Variants in CTNNA3 observed in about 807,000 individuals in gnomAD.
CTNNA3 encodes the protein catenin alpha 3, also known as catenin alpha-3.
In CTNNA3, 76 loss-of-function variants were observed where a neutral mutation model predicts 95.7. The observed-to-expected ratio is 0.79, with a 90% confidence interval of 0.66 to 0.96. The LOEUF (loss-of-function observed/expected upper bound fraction) is 0.96. CTNNA3 is among the 40% of genes least tolerant of loss of function. The probability of loss-of-function intolerance (pLI) is 0.00; values close to 1 mark genes in which losing one functional copy is unlikely to be tolerated. For synonymous variants in CTNNA3, 431 were observed against 374.4 expected (o/e 1.15, Z -1.74); for missense variants, 1,191 against 1,089.8 (o/e 1.09, Z -1.31).
At chr10:67,123,693 T>C (rs1392545482) in intron 7 of CTNNA3, among the ~76,000 whole-genome samples, 1 of 152,180 alleles carries the variant, frequency 6.6e-6, no homozygotes, top group Admixed American at 6.6e-5. Context: ...AATGGTGTAC[T>C]TACTGAGAAA....
chr10:67,683,711 G>A lies in CTNNA3; in HGVS notation c.-6+12289C>T, dbSNP rs181651739. On this transcript the variant is annotated intron_variant, in intron 1 of 17. Coordinates refer to ENST00000433211, the MANE Select transcript of CTNNA3 (RefSeq NM_013266.4). ...TTCAAGAACGAAGCCACAGACACTC[G>A]TGGTGAGTGTTACCACTCTTAAAGA... Among the ~76,000 whole-genome samples the A allele has an allele frequency of 2.3e-3, 343 of 152,262 alleles. 2 individuals carry two copies. The highest frequency in any genetic ancestry group is 7.7e-3 in the African/African-American group (321 of 41,544).
At chr10:67,225,350 G>C (rs1237188156) in intron 5 of CTNNA3, among the ~76,000 whole-genome samples, 1 of 152,122 alleles carries the variant, frequency 6.6e-6, no homozygotes, top group African/African-American at 2.4e-5. Flanking sequence ...CACGCTGCCA[G>C]TTCCTCTCCA....
chr10:66,224,665 G>T (rs12774932), intron 13 of CTNNA3, among the ~76,000 whole-genome samples: 1 of 152,022 alleles, frequency 6.6e-6, no homozygotes, highest in Non-Finnish European at 1.5e-5. Context: ...TAACTAATAG[G>T]CTTCCTTAAG....
At chr10:67,617,041 T>C (rs1301419248) in intron 2 of CTNNA3, among the ~76,000 whole-genome samples, 1 of 152,218 alleles carries the variant, frequency 6.6e-6, no homozygotes, top group Admixed American at 6.5e-5. Context: ...GATATGTAGA[T>C]TTTGTCATTT....
intron 5 of CTNNA3, among the ~76,000 whole-genome samples, chr10:67,453,165 T>C (rs1034646582): frequency 2.0e-5 from 3 of 152,146 alleles, no homozygotes; most frequent in Admixed American, 2.0e-4. Context: ...TGCAGCCAGT[T>C]ACCAAGTGGA....
At chr10:66,843,975 T>G (rs1414337583) in intron 7 of CTNNA3, among the ~76,000 whole-genome samples, 1 of 152,242 alleles carries the variant, frequency 6.6e-6, no homozygotes, top group African/African-American at 2.4e-5. Flanking sequence ...GGGCATTTAT[T>G]GGAGAACAAT....
chr10:67,425,427 T>A (rs1293368127), intron 5 of CTNNA3, among the ~76,000 whole-genome samples: 1 of 151,904 alleles, frequency 6.6e-6, no homozygotes, highest in Non-Finnish European at 1.5e-5. Context: ...AGATGGGTGA[T>A]CAGGCAGAAA....
chr10:66,903,803 T>G (rs546846172), intron 7 of CTNNA3, among the ~76,000 whole-genome samples: 1 of 152,196 alleles, frequency 6.6e-6, no homozygotes, highest in Non-Finnish European at 1.5e-5. Context: ...ATAAAATACC[T>G]AGGAATCCAA....
chr10:67,192,887 A>AGTG lies in CTNNA3; in HGVS notation c.844-12368_844-12367insCAC, dbSNP rs1863183009. On this transcript the variant is annotated intron_variant, in intron 6 of 17. Coordinates refer to ENST00000433211, the MANE Select transcript of CTNNA3 (RefSeq NM_013266.4). Reference sequence around the variant, plus strand: ...TGAATGAATAAAGAAATGGTCATATATATGTATATATACAACCACTTACAA... The same window carrying AGTG: ...TGAATGAATAAAGAAATGGTCATATAGTGTATGTATATATACAACCACTTACAA... 2.1e-4 allele frequency among the ~76,000 whole-genome samples: 32 copies of AGTG among 152,148 alleles called. 1 individual carries two copies. In the South Asian group the frequency reaches 6.2e-3, roughly 30 times the overall value.
intron 15 of CTNNA3, among the ~76,000 whole-genome samples, chr10:66,055,065 T>C (rs1025597843): frequency 2.0e-5 from 3 of 152,204 alleles, no homozygotes; most frequent in African/African-American, 7.2e-5. Flanking sequence ...TTCTCTATTC[T>C]TTTCCATTGG....
chr10:66,114,269 C>T (rs2082231343), intron 13 of CTNNA3, among the ~76,000 whole-genome samples: 1 of 151,842 alleles, frequency 6.6e-6, no homozygotes, highest in Non-Finnish European at 1.5e-5. Context: ...TCCAAAAATG[C>T]TATTCTATAG....
intron 2 of CTNNA3, among the ~76,000 whole-genome samples, chr10:67,638,413 GA>G (rs1839402567): frequency 6.6e-6 from 1 of 152,098 alleles, no homozygotes; most frequent in Non-Finnish European, 1.5e-5. Flanking sequence ...AATAATGGGA[GA>G]CTTTAACACC....
intron 5 of CTNNA3, among the ~76,000 whole-genome samples, chr10:67,261,905 A>G (rs1564519541): frequency 6.6e-6 from 1 of 152,200 alleles, no homozygotes; most frequent in African/African-American, 2.4e-5. Context: ...GGGTTCTGCT[A>G]TACAAATAAG....
chr10:66,736,512 T>C (rs1849148670), intron 9 of CTNNA3, among the ~76,000 whole-genome samples: 1 of 151,980 alleles, frequency 6.6e-6, no homozygotes, highest in African/African-American at 2.4e-5. Context: ...AATTTTACAT[T>C]ATTCTTTCTA....
At chr10:66,325,902 T>C (rs545843910) in intron 12 of CTNNA3, among the ~76,000 whole-genome samples, 1 of 152,280 alleles carries the variant, frequency 6.6e-6, no homozygotes, top group South Asian at 2.1e-4. Flanking sequence ...AAAATGCTTA[T>C]TTCATTCGAG....
rs1223318069 is a variant in CTNNA3, at chr10:66,609,325, A to G, written c.1374+12367T>C. Among the ~76,000 whole-genome samples the G allele has an allele frequency of 8.7e-5, 13 of 149,052 alleles. No homozygotes were observed. In the Admixed American group the frequency reaches 8.8e-4, roughly 10 times the overall value. The stretch of plus-strand genomic sequence containing the variant: ...CAATCTGCCCTCCTCAGCCTCCCAA[A>G]GTGCTGGGATTACAGTTGTCAGCCA... On this transcript the variant is annotated intron_variant, in intron 10 of 17. Coordinates refer to ENST00000433211, the MANE Select transcript of CTNNA3 (RefSeq NM_013266.4).
intron 6 of CTNNA3, among the ~76,000 whole-genome samples, chr10:67,217,844 A>C (rs59902746): frequency 0.055 from 8,385 of 152,002 alleles, 625 homozygotes; most frequent in East Asian, 0.19. Flanking sequence ...AAAATCTGAA[A>C]TCCAAAATGC....
intron 11 of CTNNA3, among the ~76,000 whole-genome samples, chr10:66,394,728 TA>T (rs968925837): frequency 2.6e-5 from 4 of 151,878 alleles, no homozygotes; most frequent in African/African-American, 7.3e-5. Flanking sequence ...GATTGTCTTA[TA>T]AAAAAACAGT....
intron 14 of CTNNA3, among the ~76,000 whole-genome samples, chr10:66,077,691 G>A (rs1343458411): frequency 7.0e-6 from 1 of 143,094 alleles, no homozygotes; most frequent in Non-Finnish European, 1.5e-5. Context: ...CAAAGGTGGT[G>A]ATCTGTATGG....
Sources: gnomAD v4.1 joint callset for allele counts (sites outside exome capture counted in the v4.1 genomes callset) on GRCh38, gnomAD v4.1.1 for gene constraint, MANE v1.5 for transcripts, NCBI Gene and HGNC (gene_info 2026-07-23, HGNC 2026-07-21) for gene names.